The following GPC5 variants were observed in gnomAD, a reference collection of about 807,000 sequenced individuals.
GPC5 encodes glypican-5.
In GPC5, 47 loss-of-function variants were observed where a neutral mutation model predicts 53.9. That is an observed-to-expected ratio of 0.87 (90% confidence interval 0.69 to 1.11). The LOEUF (loss-of-function observed/expected upper bound fraction) is 1.11, where lower values mean the gene tolerates loss of function less well. Ranked by LOEUF, GPC5 falls within the 50% of genes most tolerant of loss-of-function variation. The probability of loss-of-function intolerance (pLI) is 0.00; values close to 1 mark genes in which losing one functional copy is unlikely to be tolerated. For synonymous variants in GPC5, 286 were observed against 263.3 expected (o/e 1.09, Z -0.84); for missense variants, 748 against 713.1 (o/e 1.05, Z -0.56).
At chr13:92,150,659 G>A (rs1039378827) in intron 7 of GPC5, among the ~76,000 whole-genome samples, 1 of 151,986 alleles carries the variant, frequency 6.6e-6, no homozygotes, top group Non-Finnish European at 1.5e-5. Context: ...GAATGCCTAA[G>A]TGATTATTTT....
intron 7 of GPC5, among the ~76,000 whole-genome samples, chr13:92,325,516 G>A (rs1199722485): frequency 2.0e-5 from 3 of 152,048 alleles, no homozygotes; most frequent in African/African-American, 7.2e-5. Flanking sequence ...TGATTCTTAA[G>A]GATGATTGTA....
At chr13:91,665,738 C>T (rs1489423400) in intron 2 of GPC5, among the ~76,000 whole-genome samples, 1 of 152,110 alleles carries the variant, frequency 6.6e-6, no homozygotes, top group Non-Finnish European at 1.5e-5. Flanking sequence ...ATCTCCTGAC[C>T]TCGTGATCTG....
chr13:92,020,532 A>T (rs1038450597), intron 6 of GPC5, among the ~76,000 whole-genome samples: 2 of 151,618 alleles, frequency 1.3e-5, no homozygotes, highest in Admixed American at 1.3e-4. Flanking sequence ...ATGATATCTC[A>T]TTGTGGTTTT....
At chr13:92,442,739 C>T (rs1296600287) in intron 7 of GPC5, among the ~76,000 whole-genome samples, 3 of 152,126 alleles carry the variant, frequency 2.0e-5, no homozygotes, top group South Asian at 4.1e-4. Flanking sequence ...TCCAAAAAAA[C>T]TCAAAAGCCC....
At chr13:92,014,899 A>G (rs2040693787) in intron 6 of GPC5, among the ~76,000 whole-genome samples, 1 of 152,112 alleles carries the variant, frequency 6.6e-6, no homozygotes, top group Non-Finnish European at 1.5e-5. Context: ...CTTAGCAAAT[A>G]TGGGAGTGCC....
At chr13:92,141,638 A>G (rs2041831464) in intron 6 of GPC5, among the ~76,000 whole-genome samples, 2 of 152,116 alleles carry the variant, frequency 1.3e-5, no homozygotes, top group African/African-American at 4.8e-5. Context: ...GCAAATTACT[A>G]CACATGTAGC....
intron 2 of GPC5, among the ~76,000 whole-genome samples, chr13:91,498,107 T>A (rs1198264452): frequency 6.6e-6 from 1 of 151,684 alleles, no homozygotes; most frequent in Non-Finnish European, 1.5e-5. Context: ...TTCTCCCGCT[T>A]AATGCTTTTC....
intron 7 of GPC5, among the ~76,000 whole-genome samples, chr13:92,316,104 C>T (rs1346661385): frequency 6.6e-6 from 1 of 152,080 alleles, no homozygotes; most frequent in Non-Finnish European, 1.5e-5. Flanking sequence ...TTACACTTCT[C>T]TCTTTTTCAC....
chr13:91,452,383 A>G (rs1473087977), intron 2 of GPC5, among the ~76,000 whole-genome samples: 1 of 152,128 alleles, frequency 6.6e-6, no homozygotes, highest in Non-Finnish European at 1.5e-5. Flanking sequence ...GAAAAAGAAA[A>G]CTGCTACCCT....
chr13:92,004,458 T>TTATATATATATATATATATATATA (rs58376767), intron 6 of GPC5, among the ~76,000 whole-genome samples: 19 of 82,482 alleles, frequency 2.3e-4, no homozygotes, highest in Admixed American at 3.1e-4. Context: ...AAAAAAAAAA[T>TTATATATATATATATATATATATA]TATATATATA....
intron 7 of GPC5, among the ~76,000 whole-genome samples, chr13:92,388,688 G>A (rs1874855884): frequency 6.6e-6 from 1 of 152,094 alleles, no homozygotes. Context: ...GGGAGTCTCT[G>A]GAGAAGCAGA....
intron 7 of GPC5, among the ~76,000 whole-genome samples, chr13:92,336,462 A>G (rs553811190): frequency 1.8e-4 from 28 of 152,136 alleles, no homozygotes; most frequent in Non-Finnish European, 3.7e-4. Context: ...ATGAGAATTA[A>G]CATGTTAGCT....
chr13:91,855,532 T>C (rs573135524), intron 5 of GPC5, among the ~76,000 whole-genome samples: 2 of 151,758 alleles, frequency 1.3e-5, no homozygotes, highest in African/African-American at 4.8e-5. Context: ...TCTAAATGGA[T>C]ATGTGAATGA....
intron 5 of GPC5, among the ~76,000 whole-genome samples, chr13:91,820,153 TA>T (rs869258748): frequency 6.6e-6 from 1 of 152,078 alleles, no homozygotes; most frequent in Non-Finnish European, 1.5e-5. Context: ...AGTTATTTTT[TA>T]AAAAAATATA....
intron 6 of GPC5, among the ~76,000 whole-genome samples, chr13:91,917,320 A>C (rs976059823): frequency 6.6e-6 from 1 of 152,222 alleles, no homozygotes; most frequent in African/African-American, 2.4e-5. Context: ...TCCAGGTCAC[A>C]CTGATGCAAG....
chr13:92,283,968 A>G (rs561268295), intron 7 of GPC5, among the ~76,000 whole-genome samples: 11 of 152,320 alleles, frequency 7.2e-5, no homozygotes, highest in Non-Finnish European at 1.0e-4. Flanking sequence ...TTTTTTGAAA[A>G]GATCAACAAA....
chr13:92,294,146 T>C (rs1185604174), intron 7 of GPC5, among the ~76,000 whole-genome samples: 2 of 152,132 alleles, frequency 1.3e-5, no homozygotes, highest in African/African-American at 2.4e-5. Context: ...TATCAGTCTG[T>C]AGTTTTCTTT....
chr13:92,809,660 T>A (rs987084865), intron 7 of GPC5, among the ~76,000 whole-genome samples: 10 of 152,200 alleles, frequency 6.6e-5, no homozygotes, highest in African/African-American at 1.9e-4. Context: ...TATTTTAAGG[T>A]TAACTTATTT....
At chr13:91,984,296 C>T (rs552138272) in intron 6 of GPC5, among the ~76,000 whole-genome samples, 1 of 152,116 alleles carries the variant, frequency 6.6e-6, no homozygotes, top group African/African-American at 2.4e-5. Flanking sequence ...TTTCTATAAT[C>T]GTTATTCAAT....
Sources: gnomAD v4.1 joint callset for allele counts (sites outside exome capture counted in the v4.1 genomes callset) on GRCh38, gnomAD v4.1.1 for gene constraint, MANE v1.5 for transcripts, NCBI Gene and HGNC (gene_info 2026-07-23, HGNC 2026-07-21) for gene names.